Variants in GPR89A observed in about 807,000 individuals in gnomAD.
The protein encoded by GPR89A is G protein-coupled receptor 89A.
In GPR89A, 16 loss-of-function variants were observed where a neutral mutation model predicts 52.0. The observed-to-expected ratio is 0.31, with a 90% confidence interval of 0.21 to 0.47. GPR89A has a LOEUF of 0.47. Among genes scored for constraint, GPR89A ranks in the 20% least tolerant of loss-of-function variants. GPR89A has a pLI of 1.00. For missense variants in GPR89A, 135 were observed against 449.4 expected (o/e 0.30, Z 6.33); for synonymous variants, 55 against 150.9 (o/e 0.36, Z 4.66).
rs1343996866 is a variant in GPR89A, at chr1:145,616,258, C to G, written c.67C>G (p.Leu23Val). 1 of 1,610,818 alleles carries G rather than the reference C, an allele frequency of 6.2e-7. No homozygotes were observed. The highest frequency in any genetic ancestry group is 1.7e-5 in the Admixed American group (1 of 59,812). ...SQILFFGFGW[L>V]FFMRQLFKDY... ...GATACTATTTTTTGGATTTGGGTGG[C>G]TTTTCTTCATGCGCCAATTGTTTAA... The change falls in exon 2 of 14, where the codon CTT becomes GTT. Residue 23 changes from leucine (L) to valine (V), a missense_variant. Transcript: ENST00000313835.
intron 12 of GPR89A, among the ~76,000 whole-genome samples, chr1:145,665,991 CAAA>C (rs1161841307): frequency 2.3e-5 from 3 of 130,502 alleles, no homozygotes; most frequent in Admixed American, 7.8e-5. Context: ...CACTCCATCT[CAAA>C]AAAAAAAAAA....
chr1:145,641,470 A>T (rs1285557516), intron 7 of GPR89A, among the ~76,000 whole-genome samples: 3 of 150,856 alleles, frequency 2.0e-5, no homozygotes, highest in Admixed American at 6.6e-5. Context: ...TTTGCAAGAT[A>T]TTTCAGTTGA....
chr1:145,649,467 T>G (rs1163592233), intron 10 of GPR89A, among the ~76,000 whole-genome samples: 1 of 150,014 alleles, frequency 6.7e-6, no homozygotes, highest in Non-Finnish European at 1.5e-5. Context: ...ATGTTATGAT[T>G]TGTATCAGTA....
At chr1:145,664,915 C>T (rs1308161971) in intron 11 of GPR89A, among the ~76,000 whole-genome samples, 11 of 150,766 alleles carry the variant, frequency 7.3e-5, no homozygotes, top group Non-Finnish European at 1.6e-4. Flanking sequence ...AACTCCTTCT[C>T]ACTATGAAGC....
chr1:145,608,337 G>T lies in GPR89A; in HGVS notation c.42+162G>T, dbSNP rs587627153. On this transcript the variant is annotated intron_variant, in intron 1 of 13. Coordinates refer to ENST00000313835, the MANE Select transcript of GPR89A (RefSeq NM_001097612.2). The stretch of plus-strand genomic sequence containing the variant: ...AGAGGGTGTGCGATTTGCTGCGGCC[G>T]GTTCCCTCAGCCCCGGCTGTCAGGA... The T allele has an allele frequency of 3.5e-6, 4 of 1,154,362 alleles. No homozygotes were observed. The African/African-American group carries it at 6.2e-5, about 18-fold the overall frequency. 71.5% of individuals were successfully genotyped at this position (1,154,362 alleles called of 1,614,324 possible).
Position 145,608,073 on chromosome 1 carries a change from C to G in GPR89A, c.-61C>G, listed in dbSNP as rs1571449646. 3.8e-6 allele frequency: 6 copies of G among 1,592,550 alleles called. No homozygotes were observed. In the East Asian group the frequency reaches 1.1e-4, roughly 30 times the overall value. ...AGACCGTGTGAGGGGGCCTGTGGCC[C>G]CAGCGTGCTGTGGCCTCGGGGAGTG... On this transcript the variant is annotated 5_prime_UTR_variant, in exon 1 of 14. Transcript: ENST00000313835.
chr1:145,663,563 T>A, intron 11 of GPR89A, 139 bp downstream of exon 11: 1 of 651,918 alleles, frequency 1.5e-6, no homozygotes. Context: ...TTTGACGTAT[T>A]CACATGGAAA....
chr1:145,653,142 T>C (rs1255941520), intron 10 of GPR89A, among the ~76,000 whole-genome samples: 3 of 151,148 alleles, frequency 2.0e-5, no homozygotes, highest in Non-Finnish European at 4.4e-5. Context: ...TTAACACTGC[T>C]TTAGCTGTGT....
At chr1:145,608,547 T>G in intron 1 of GPR89A, 4 of 642,206 alleles carry the variant, frequency 6.2e-6, no homozygotes, top group Non-Finnish European at 9.4e-6. Flanking sequence ...GCCTGTGTGG[T>G]TCTGGGCGCG....
chr1:145,653,133 T>C (rs1450526321), intron 10 of GPR89A, among the ~76,000 whole-genome samples: 13 of 151,110 alleles, frequency 8.6e-5, no homozygotes, highest in Non-Finnish European at 1.3e-4. Context: ...ATTTCCCTCT[T>C]AACACTGCTT....
intron 5 of GPR89A, among the ~76,000 whole-genome samples, chr1:145,630,066 A>G (rs1553689627): frequency 6.6e-6 from 1 of 151,812 alleles, no homozygotes; most frequent in Admixed American, 6.6e-5. Flanking sequence ...TATTTATTTT[A>G]ACTGCTAAGT....
At position 145,608,366 on chromosome 1, in the gene GPR89A, T is replaced by C. The variant is rs1456869834; in HGVS notation, c.42+191T>C. On this transcript the variant is annotated intron_variant, in intron 1 of 13. Coordinates refer to ENST00000313835, the MANE Select transcript of GPR89A (RefSeq NM_001097612.2). ...CCCTCAGCCCCGGCTGTCAGGAGAC[T>C]GGCCTGCGGCCGTCCGCGTCCCCAC... The C allele has an allele frequency of 1.2e-5, 13 of 1,078,604 alleles. No individual in the cohort carries two copies. The African/African-American group carries it at 1.7e-4, about 15-fold the overall frequency. The allele number at this position is 1,078,604 out of a possible 1,614,324, so 66.8% of individuals were successfully genotyped here.
chr1:145,662,448 T>C (rs1482849494), intron 10 of GPR89A, among the ~76,000 whole-genome samples: 2 of 152,152 alleles, frequency 1.3e-5, no homozygotes, highest in African/African-American at 4.8e-5. Flanking sequence ...TATTTTTCTG[T>C]CCTTTTACTT....
chr1:145,661,716 T>G (rs1393401220), intron 10 of GPR89A, among the ~76,000 whole-genome samples: 2 of 151,464 alleles, frequency 1.3e-5, no homozygotes, highest in Non-Finnish European at 2.9e-5. Flanking sequence ...GAGTCTCTTT[T>G]TCTAATTTCT....
intron 2 of GPR89A, among the ~76,000 whole-genome samples, chr1:145,617,467 T>C (rs1472274265): frequency 6.6e-6 from 1 of 151,808 alleles, no homozygotes; most frequent in Non-Finnish European, 1.5e-5. Flanking sequence ...ATCCTCAGTT[T>C]ACAAAGATGA....
At chr1:145,610,157 G>A (rs1463031825) in intron 1 of GPR89A, among the ~76,000 whole-genome samples, 1 of 151,858 alleles carries the variant, frequency 6.6e-6, no homozygotes, top group Non-Finnish European at 1.5e-5. Flanking sequence ...TTAATAAAAA[G>A]CACCTCTCTA....
At chr1:145,656,489 C>A (rs1553694556) in intron 10 of GPR89A, among the ~76,000 whole-genome samples, 1 of 152,160 alleles carries the variant, frequency 6.6e-6, no homozygotes, top group African/African-American at 2.4e-5. Context: ...GTGCCAACTG[C>A]CTAGTCAGTC....
intron 10 of GPR89A, among the ~76,000 whole-genome samples, chr1:145,654,049 T>A (rs1373564779): frequency 6.6e-6 from 1 of 152,210 alleles, no homozygotes; most frequent in African/African-American, 2.4e-5. Flanking sequence ...TGTAGTTGCT[T>A]CATAGTGTCA....
intron 1 of GPR89A, 76 bp downstream of exon 1, chr1:145,608,251 G>C: frequency 1.9e-6 from 3 of 1,587,660 alleles, no homozygotes; most frequent in Non-Finnish European, 2.6e-6. Context: ...TCCGCGGTGC[G>C]GGCTGGTCCG....
Sources: gnomAD v4.1 joint callset for allele counts (sites outside exome capture counted in the v4.1 genomes callset) on GRCh38, gnomAD v4.1.1 for gene constraint, MANE v1.5 for transcripts, NCBI Gene and HGNC (gene_info 2026-07-23, HGNC 2026-07-21) for gene names.